Variants in LENG8 observed in about 807,000 individuals in gnomAD.
LENG8 encodes leukocyte receptor cluster member 8.
In LENG8, 28 loss-of-function variants were observed where a neutral mutation model predicts 102.1. That is an observed-to-expected ratio of 0.27 (90% CI 0.20 to 0.38). The LOEUF is 0.38. Ranked by LOEUF, LENG8 falls within the 10% of genes least tolerant of loss-of-function variation. The pLI, the probability that LENG8 is intolerant of heterozygous loss-of-function variation, is 1.00. For synonymous variants in LENG8, 531 were observed against 456.7 expected (o/e 1.16, Z -2.07); for missense variants, 1,022 against 1,113.9 (o/e 0.92, Z 1.17).
chr19:54,450,558 C>T (rs1056529260), intron 1 of LENG8, among the ~76,000 whole-genome samples: 4 of 151,356 alleles, frequency 2.6e-5, no homozygotes, highest in African/African-American at 9.7e-5. Context: ...CCCTCAGACT[C>T]TTCTCATTAT....
chr19:54,457,282 C>T (rs1387703129), intron 11 of LENG8, among the ~76,000 whole-genome samples: 1 of 152,198 alleles, frequency 6.6e-6, no homozygotes, highest in African/African-American at 2.4e-5. Flanking sequence ...CTGTGAACAG[C>T]CATGTGCTTA....
chr19:54,458,267 C>T (rs758054229), intron 14 of LENG8, 35 bp downstream of exon 14: 5 of 1,613,732 alleles, frequency 3.1e-6, no homozygotes, highest in Middle Eastern at 3.3e-4. Context: ...GGCCATGGTA[C>T]CCAGGGTTGA....
At position 54,461,070 on chromosome 19, in the gene LENG8, T is replaced by G. The variant is rs1215461109; in HGVS notation, c.*142T>G. 2 of 1,251,580 alleles carry G rather than the reference T, an allele frequency of 1.6e-6. No individual in the cohort carries two copies. Among genetic ancestry groups the G allele is most frequent in the Non-Finnish European group, 1.1e-6 (1 of 897,484 alleles). 77.5% of individuals were successfully genotyped at this position (1,251,580 alleles called of 1,614,324 possible). A position where few individuals can be genotyped will look rare whatever the true frequency, so the allele number is the denominator to read the frequency against. On this transcript the variant is annotated 3_prime_UTR_variant, in exon 16 of 16. Coordinates refer to ENST00000326764, the MANE Select transcript of LENG8 (RefSeq NM_052925.4). The stretch of plus-strand genomic sequence containing the variant: ...GAAGAGCCACCATCCCTGCCCCCGT[T>G]TTCCCACCGGGGAGTCTGTACAGAG...
At chr19:54,453,488 C>A in intron 4 of LENG8, 58 bp from the exon 5 acceptor site, 2 of 1,147,458 alleles carry the variant, frequency 1.7e-6, no homozygotes, top group Non-Finnish European at 2.6e-6. Flanking sequence ...CCTGAGCAGG[C>A]TGGGGAAGCG....
chr19:54,457,550 A>G (rs890077668), intron 11 of LENG8, among the ~76,000 whole-genome samples, 197 bp from the exon 12 acceptor site: 9 of 152,048 alleles, frequency 5.9e-5, no homozygotes, highest in Non-Finnish European at 1.2e-4. Flanking sequence ...CATGTTGGCC[A>G]GGTTGGTCTC....
chr19:54,458,741 C>T, intron 15 of LENG8: 1 of 1,551,318 alleles, frequency 6.4e-7, no homozygotes, highest in Non-Finnish European at 8.7e-7. Context: ...CTCCCTCTCC[C>T]CACTGTTCCC....
rs1454542855 is a variant in LENG8, at chr19:54,456,150, C to T, written c.1209C>T (p.Asn403=). 1.2e-6 allele frequency: 2 copies of T among 1,611,118 alleles called. No homozygotes were observed. Among genetic ancestry groups the T allele is most frequent in the Non-Finnish European group, 8.5e-7 (1 of 1,178,022 alleles). ...ARGNSFTKFG[N]RNVFMKDNSS... ...GCAACAGCTTCACCAAGTTTGGCAA[C>T]CGCAACGTCTTCATGAAGGACAACA... Residue 403 remains asparagine (N), a synonymous_variant, in exon 9 of 16, where the codon AAC becomes AAT. Transcript: ENST00000326764.
At chr19:54,460,563 G>T in intron 15 of LENG8, 1 of 1,413,288 alleles carries the variant, frequency 7.1e-7, no homozygotes, top group Non-Finnish European at 9.2e-7. Context: ...GGTGAGGGGG[G>T]CACAGGGGAC....
At chr19:54,454,737 C>T (rs1186567354) in intron 6 of LENG8, 55 bp downstream of exon 6, 1 of 1,523,240 alleles carries the variant, frequency 6.6e-7, no homozygotes, top group African/African-American at 1.4e-5. Flanking sequence ...ATAAGAGCTC[C>T]TGGGTGTGAG....
chr19:54,455,767 G>A (rs897014642), intron 8 of LENG8, among the ~76,000 whole-genome samples, 200 bp downstream of exon 8: 3 of 152,246 alleles, frequency 2.0e-5, no homozygotes, highest in East Asian at 3.9e-4. Context: ...CTGGAGAGGC[G>A]TGCATTGCTC....
intron 15 of LENG8, chr19:54,459,982 AG>A: frequency 8.1e-7 from 1 of 1,233,180 alleles, no homozygotes; most frequent in East Asian, 5.8e-5. Context: ...TTGGGAACAT[AG>A]CCATGAGTGC....
chr19:54,461,653 C>T lies in LENG8; in HGVS notation c.*725C>T, dbSNP rs199571138. 788 of 477,838 alleles carry T rather than the reference C, an allele frequency of 1.6e-3. 2 individuals carry two copies. Among genetic ancestry groups the T allele is most frequent in the Non-Finnish European group, 3.1e-3 (714 of 231,872 alleles). The allele number at this position is 477,838 out of a possible 1,614,324, so 29.6% of individuals were successfully genotyped here. On this transcript the variant is annotated 3_prime_UTR_variant, in exon 16 of 16. Coordinates refer to ENST00000326764, the MANE Select transcript of LENG8 (RefSeq NM_052925.4). ...TTTCCCCTTTCCCTCCCTCCCTCTC[C>T]GCATTCTTCCCTTGGTTCAGCACAG... is the stretch of plus-strand genomic sequence containing the variant.
rs2083982880 is a variant in LENG8 at position 54,451,990 on chromosome 19, A to G, written c.39-103A>G. Reference sequence around the variant, plus strand: ...GAAAACTTAGGCTTAGACTGGTAGTAACAGTTAGATATGGGATCCAGGGGC... The same window carrying G: ...GAAAACTTAGGCTTAGACTGGTAGTGACAGTTAGATATGGGATCCAGGGGC... On this transcript the variant is annotated intron_variant, in intron 2 of 15. Transcript: ENST00000326764. 6.5e-6 allele frequency: 7 copies of G among 1,068,740 alleles called. No homozygotes were observed. The South Asian group carries it at 1.0e-4, about 16-fold the overall frequency. 66.2% of individuals were successfully genotyped at this position (1,068,740 alleles called of 1,614,324 possible).
chr19:54,459,025 A>T, intron 15 of LENG8: 3 of 1,435,152 alleles, frequency 2.1e-6, no homozygotes, highest in Non-Finnish European at 2.7e-6. Flanking sequence ...GCGCGGTGCC[A>T]GAGGCCCCTG....
In LENG8 at chr19:54,461,435, G is replaced by A; in HGVS notation, c.*507G>A. 2.2e-6 allele frequency: 1 copy of A among 459,978 alleles called. No individual in the cohort carries two copies. 28.5% of individuals were successfully genotyped at this position (459,978 alleles called of 1,614,324 possible). ...CCAGCCCCTTGGGGCCTCCGTGTTT[G>A]GGGTGGGGGAGCTGCTTAGAGACTG... On this transcript the variant is annotated 3_prime_UTR_variant, in exon 16 of 16. Transcript: ENST00000326764.
At chr19:54,449,859 C>G (rs538989791) in intron 1 of LENG8, 2 of 152,926 alleles carry the variant, frequency 1.3e-5, no homozygotes, top group Admixed American at 6.5e-5. Context: ...TCCCTTCTGC[C>G]CTGGGGCTCC....
intron 4 of LENG8, 119 bp from the exon 5 acceptor site, chr19:54,453,427 T>C: frequency 2.9e-6 from 2 of 683,718 alleles, no homozygotes; most frequent in Non-Finnish European, 5.3e-6. Flanking sequence ...ATTAATATAG[T>C]GAAGAGAGAA....
rs1310155172 is a variant in LENG8 at position 54,461,584 on chromosome 19, G to A, written c.*656G>A. 3 of 472,496 alleles carry A rather than the reference G, an allele frequency of 6.3e-6. No individual in the cohort carries two copies. The highest frequency in any genetic ancestry group is 1.5e-5 in the South Asian group (1 of 64,568). The allele number at this position is 472,496 out of a possible 1,614,324, so 29.3% of individuals were successfully genotyped here. Reference sequence around the variant, plus strand: ...TCTCAAGTTGTATAAAGTTGTCTCCGTGTCCCCTCCTCCCTCTGCCCCCAG... The same window carrying A: ...TCTCAAGTTGTATAAAGTTGTCTCCATGTCCCCTCCTCCCTCTGCCCCCAG... On this transcript the variant is annotated 3_prime_UTR_variant, in exon 16 of 16. Coordinates refer to ENST00000326764, the MANE Select transcript of LENG8 (RefSeq NM_052925.4).
chr19:54,460,606 A>C (rs1430084109), intron 15 of LENG8, 160 bp from the exon 16 acceptor site: 15 of 1,400,944 alleles, frequency 1.1e-5, no homozygotes, highest in African/African-American at 3.0e-5. Context: ...GCCCCCCCCG[A>C]GCCCCTGAGG....
Sources: allele counts gnomAD v4.1 joint callset (sites outside exome capture counted in the v4.1 genomes callset), GRCh38; gene constraint gnomAD v4.1.1; transcripts MANE v1.5; gene names NCBI Gene and HGNC (gene_info 2026-07-23, HGNC 2026-07-21).